Variants in HNF4G observed in about 807,000 individuals in gnomAD.
The protein encoded by HNF4G is hepatocyte nuclear factor 4 gamma, also known as hepatocyte nuclear factor 4-gamma.
In HNF4G, 21 loss-of-function variants were observed where a neutral mutation model predicts 50.9. The observed-to-expected ratio is 0.41, with a 90% CI of 0.29 to 0.59. The LOEUF (loss-of-function observed/expected upper bound fraction) is 0.59. Ranked by LOEUF, HNF4G falls within the 20% of genes least tolerant of loss-of-function variation. HNF4G has a pLI of 0.26. For synonymous variants in HNF4G, 198 were observed against 185.6 expected, an observed-to-expected ratio of 1.07 and a Z score of -0.54; for missense variants, 527 against 559.4, an observed-to-expected ratio of 0.94 and a Z score of 0.58.
At chr8:75,460,754 G>A (rs982823782) in intron 1 of HNF4G, among the ~76,000 whole-genome samples, 4 of 152,222 alleles carry the variant, frequency 2.6e-5, no homozygotes, top group Non-Finnish European at 5.9e-5. Flanking sequence ...TATTAAAGGA[G>A]TGGAGCGAAT....
chr8:75,511,223 A>G (rs995304117), intron 2 of HNF4G, among the ~76,000 whole-genome samples: 2 of 152,184 alleles, frequency 1.3e-5, no homozygotes, highest in East Asian at 1.9e-4. Flanking sequence ...TTAGGATTAT[A>G]TAATTAATCA....
At chr8:75,520,319 T>C (rs745928142) in intron 2 of HNF4G, among the ~76,000 whole-genome samples, 13 of 152,156 alleles carry the variant, frequency 8.5e-5, no homozygotes, top group Non-Finnish European at 1.3e-4. Flanking sequence ...TCACTATTCT[T>C]ATTTTATTTA....
chr8:75,545,353 C>G (rs1806745137), intron 2 of HNF4G, among the ~76,000 whole-genome samples: 1 of 151,716 alleles, frequency 6.6e-6, no homozygotes, highest in African/African-American at 2.4e-5. Context: ...TCTGTCCTTT[C>G]TTTATGGGAA....
Position 75,543,830 on chromosome 8 carries a change from A to G in HNF4G, c.138A>G (p.Thr46=). ...TGACAGATAGTTCTGCCCCAGAGAC[A>G]AGTATGAATACCACAGACAACGGTG... is the stretch of plus-strand genomic sequence containing the variant. The part of the protein sequence containing the change: ...YNSSDSSAPE[T]SMNTTDNGVN... Residue 46 remains threonine (T), a synonymous_variant, in exon 2 of 10, where the codon ACA becomes ACG. Coordinates refer to ENST00000396423, the MANE Select transcript of HNF4G (RefSeq NM_004133.5). The G allele has an allele frequency of 1.2e-6, 2 of 1,612,056 alleles. No individual in the cohort carries two copies. The highest frequency in any genetic ancestry group is 1.7e-6 in the Non-Finnish European group (2 of 1,179,064).
intron 9 of HNF4G, 86 bp downstream of exon 9, chr8:75,560,552 C>A (rs961954763): frequency 7.5e-7 from 1 of 1,330,982 alleles, no homozygotes; most frequent in Admixed American, 2.1e-5. Flanking sequence ...TATTAGTAAC[C>A]AGAAATGGCA....
intron 2 of HNF4G, among the ~76,000 whole-genome samples, chr8:75,518,725 G>A (rs1195377832): frequency 4.0e-5 from 6 of 151,762 alleles, no homozygotes; most frequent in Non-Finnish European, 8.8e-5. Flanking sequence ...CAAGGCCCTG[G>A]ACCTGGCCCA....
At chr8:75,413,880 AATTATTATTC>A (rs1810565111) in intron 1 of HNF4G, among the ~76,000 whole-genome samples, 2 of 152,202 alleles carry the variant, frequency 1.3e-5, no homozygotes, top group South Asian at 4.2e-4. Flanking sequence ...AAAATAAAAA[AATTATTATTC>A]ACCATGCTAA....
upstream of HNF4G, among the ~76,000 whole-genome samples, chr8:75,539,522 A>G (rs1211223846): frequency 6.6e-6 from 1 of 152,216 alleles, no homozygotes; most frequent in East Asian, 1.9e-4. Flanking sequence ...TTATAGCAGT[A>G]AAGTAAGTCC....
intron 1 of HNF4G, among the ~76,000 whole-genome samples, chr8:75,541,800 A>G (rs1806629690): frequency 6.6e-6 from 1 of 152,104 alleles, no homozygotes; most frequent in Admixed American, 6.5e-5. Context: ...CATTTAAAAA[A>G]TAATTATTCC....
intron 4 of HNF4G, among the ~76,000 whole-genome samples, chr8:75,552,175 C>T (rs543368880): frequency 5.9e-4 from 90 of 152,060 alleles, no homozygotes; most frequent in African/African-American, 2.1e-3. Context: ...TAATCAGGTC[C>T]TATAATGAGT....
chr8:75,493,391 G>T (rs1345911856), intron 2 of HNF4G, among the ~76,000 whole-genome samples: 2 of 152,052 alleles, frequency 1.3e-5, no homozygotes, highest in African/African-American at 4.8e-5. Flanking sequence ...GAATCATTGA[G>T]GCAAAAGCTA....
At chr8:75,543,549 T>C (rs955316673) in intron 1 of HNF4G, among the ~76,000 whole-genome samples, 1 of 152,186 alleles carries the variant, frequency 6.6e-6, no homozygotes, top group Non-Finnish European at 1.5e-5. Context: ...CTAATATTTA[T>C]TGTCATGGAA....
At chr8:75,411,369 G>A (rs567136607) in intron 1 of HNF4G, among the ~76,000 whole-genome samples, 2 of 152,312 alleles carry the variant, frequency 1.3e-5, no homozygotes, top group Admixed American at 1.3e-4. Flanking sequence ...CACCCTTGCT[G>A]CTGTTGGATA....
intron 5 of HNF4G, among the ~76,000 whole-genome samples, chr8:75,555,627 C>T (rs560736267): frequency 2.6e-5 from 4 of 152,034 alleles, no homozygotes; most frequent in East Asian, 1.9e-4. Flanking sequence ...TAAGTTCAAA[C>T]GTACTGGTTA....
At chr8:75,489,047 C>T (rs1179848200) in intron 1 of HNF4G, among the ~76,000 whole-genome samples, 2 of 152,140 alleles carry the variant, frequency 1.3e-5, no homozygotes, top group Admixed American at 1.3e-4. Flanking sequence ...AAGAAAAGGC[C>T]TCCAATATGG....
chr8:75,459,473 A>G (rs895767895), intron 1 of HNF4G, among the ~76,000 whole-genome samples: 1 of 152,220 alleles, frequency 6.6e-6, no homozygotes, highest in Non-Finnish European at 1.5e-5. Context: ...AATGTAAAAA[A>G]TAGTTCATTT....
intron 4 of HNF4G, 55 bp from the exon 5 acceptor site, chr8:75,552,987 G>T (rs1563552409): frequency 2.3e-6 from 3 of 1,290,812 alleles, no homozygotes; most frequent in Non-Finnish European, 3.2e-6. Flanking sequence ...AAAAAAAGGG[G>T]AATGTTGGCC....
At chr8:75,410,690 T>C (rs1407830489) in intron 1 of HNF4G, among the ~76,000 whole-genome samples, 1 of 152,178 alleles carries the variant, frequency 6.6e-6, no homozygotes, top group African/African-American at 2.4e-5. Flanking sequence ...TTCACACCCC[T>C]AGGGCAAAAG....
chr8:75,439,691 T>C (rs937150899), intron 1 of HNF4G, among the ~76,000 whole-genome samples: 9 of 152,180 alleles, frequency 5.9e-5, no homozygotes, highest in Admixed American at 2.0e-4. Flanking sequence ...AGAGTTCACA[T>C]ATATTAAATC....
Sources: allele counts gnomAD v4.1 joint callset (sites outside exome capture counted in the v4.1 genomes callset), GRCh38; gene constraint gnomAD v4.1.1; transcripts MANE v1.5; gene names NCBI Gene and HGNC (gene_info 2026-07-23, HGNC 2026-07-21).